AKIRIN1: variants seen among roughly 807,000 people sequenced by gnomAD.
The protein encoded by AKIRIN1 is akirin-1.
AKIRIN1 carries 4 observed loss-of-function variants against 25.9 expected under a neutral mutation model. The ratio of observed to expected loss-of-function variants is 0.15; its 90% CI spans 0.08 to 0.35. The LOEUF (loss-of-function observed/expected upper bound fraction) is 0.35. AKIRIN1 is among the 10% of genes least tolerant of loss of function. The probability of loss-of-function intolerance (pLI) is 1.00; values close to 1 mark genes in which losing one functional copy is unlikely to be tolerated. For missense variants in AKIRIN1, 243 were observed against 266.1 expected (o/e 0.91, Z 0.61); for synonymous variants, 125 against 105.1 (o/e 1.19, Z -1.16).
rs1336148414 is a variant in AKIRIN1 at position 38,991,337 on chromosome 1, C to T, written c.-44C>T. ...CCCGGCTGAGGAGCCTCTTGGGCCG[C>T]ACTTACCGCCGCGTCCGCTCCCGGT... On this transcript the variant is annotated 5_prime_UTR_variant, in exon 1 of 5. Coordinates refer to ENST00000432648, the MANE Select transcript of AKIRIN1 (RefSeq NM_024595.3). The T allele has an allele frequency of 6.0e-6, 8 of 1,327,992 alleles. No individual in the cohort carries two copies. The highest frequency in any genetic ancestry group is 1.9e-5 in the South Asian group (1 of 53,018). The allele number at this position is 1,327,992 out of a possible 1,614,324, so 82.3% of individuals were successfully genotyped here.
rs904284150 is a variant in AKIRIN1, at chr1:39,005,678, A to G, written c.*1623A>G. ...CTGAGTTTAATTCAAATGTATGCCA[A>G]TACCTTCCAAAGTAAGGTAATATTC... On this transcript the variant is annotated 3_prime_UTR_variant, in exon 5 of 5. Transcript: ENST00000432648. The G allele has an allele frequency of 2.0e-5, 3 of 152,212 alleles. No homozygotes were observed. Among genetic ancestry groups the G allele is most frequent in the Admixed American group, 6.5e-5 (1 of 15,278 alleles). The allele number at this position is 152,212 out of a possible 1,614,324, so 9.4% of individuals were successfully genotyped here. A position where few individuals can be genotyped will look rare whatever the true frequency, so the allele number is the denominator to read the frequency against.
intron 1 of AKIRIN1, among the ~76,000 whole-genome samples, chr1:38,995,144 G>A (rs1178757832): frequency 6.6e-6 from 1 of 152,150 alleles, no homozygotes; most frequent in Non-Finnish European, 1.5e-5. Flanking sequence ...TCTTGATCAA[G>A]TTTGAGCAAT....
rs1239651735 is a variant in AKIRIN1, at chr1:39,004,184, G to A, written c.*129G>A. 9.7e-7 allele frequency: 1 copy of A among 1,034,672 alleles called. No homozygotes were observed. Among genetic ancestry groups the A allele is most frequent in the Admixed American group, 1.8e-5 (1 of 57,056 alleles). The allele number at this position is 1,034,672 out of a possible 1,614,324, so 64.1% of individuals were successfully genotyped here. A position where few individuals can be genotyped will look rare whatever the true frequency, so the allele number is the denominator to read the frequency against. On this transcript the variant is annotated 3_prime_UTR_variant, in exon 5 of 5. Transcript: ENST00000432648. ...TGAGAACACTTAAACGTTTCTGCAG[G>A]TCCATTTTATACAACTTGAAAGACC...
rs773887938 is a variant in AKIRIN1, at chr1:38,991,350, G to C, written c.-31G>C. ...CCTCTTGGGCCGCACTTACCGCCGC[G>C]TCCGCTCCCGGTCCCTGGCCCCTCA... On this transcript the variant is annotated 5_prime_UTR_variant, in exon 1 of 5. Transcript: ENST00000432648. 7 of 1,335,450 alleles carry C rather than the reference G, an allele frequency of 5.2e-6. No individual in the cohort carries two copies. The Admixed American group carries it at 2.7e-4, about 52-fold the overall frequency. The allele number at this position is 1,335,450 out of a possible 1,614,324, so 82.7% of individuals were successfully genotyped here. A position where few individuals can be genotyped will look rare whatever the true frequency, so the allele number is the denominator to read the frequency against.
rs1643902694 is a variant in AKIRIN1, at chr1:38,991,316, G to A, written c.-65G>A. Reference sequence around the variant, plus strand: ...GGAGCCGGCTTGGCTGGCGAGCCCGGCTGAGGAGCCTCTTGGGCCGCACTT... The same window carrying A: ...GGAGCCGGCTTGGCTGGCGAGCCCGACTGAGGAGCCTCTTGGGCCGCACTT... On this transcript the variant is annotated 5_prime_UTR_variant, in exon 1 of 5. Transcript: ENST00000432648. The A allele has an allele frequency of 2.3e-6, 3 of 1,284,160 alleles. No individual in the cohort carries two copies. The highest frequency in any genetic ancestry group is 2.0e-6 in the Non-Finnish European group (2 of 1,009,062). The allele number at this position is 1,284,160 out of a possible 1,614,324, so 79.5% of individuals were successfully genotyped here.
intron 1 of AKIRIN1, among the ~76,000 whole-genome samples, chr1:38,996,903 G>A (rs1643952313): frequency 6.6e-6 from 1 of 152,200 alleles, no homozygotes; most frequent in Non-Finnish European, 1.5e-5. Context: ...TTGACTATGT[G>A]TGGAACCACT....
chr1:38,991,305 T>A lies in AKIRIN1; in HGVS notation c.-76T>A, dbSNP rs1373588569. 1 of 1,254,364 alleles carries A rather than the reference T, an allele frequency of 8.0e-7. No individual in the cohort carries two copies. Among genetic ancestry groups the A allele is most frequent in the East Asian group, 3.2e-5 (1 of 31,294 alleles). The allele number at this position is 1,254,364 out of a possible 1,614,324, so 77.7% of individuals were successfully genotyped here. A position where few individuals can be genotyped will look rare whatever the true frequency, so the allele number is the denominator to read the frequency against. On this transcript the variant is annotated 5_prime_UTR_variant, in exon 1 of 5. Coordinates refer to ENST00000432648, the MANE Select transcript of AKIRIN1 (RefSeq NM_024595.3). ...GAGGCGCCATTGGAGCCGGCTTGGC[T>A]GGCGAGCCCGGCTGAGGAGCCTCTT...
chr1:39,000,935 C>T, intron 2 of AKIRIN1, 37 bp from the exon 3 acceptor site: 5 of 1,590,090 alleles, frequency 3.1e-6, no homozygotes, highest in Admixed American at 3.5e-5. Flanking sequence ...GTGTGAACCA[C>T]CGCACCTGGC....
intron 2 of AKIRIN1, among the ~76,000 whole-genome samples, chr1:39,000,060 T>G (rs751433674): frequency 2.0e-5 from 3 of 151,962 alleles, no homozygotes; most frequent in Admixed American, 6.6e-5. Flanking sequence ...TTTTTTGTAT[T>G]TTTAGTAGAG....
At chr1:38,997,339 C>T (rs983335913) in intron 1 of AKIRIN1, among the ~76,000 whole-genome samples, 4 of 152,146 alleles carry the variant, frequency 2.6e-5, no homozygotes, top group Non-Finnish European at 2.9e-5. Flanking sequence ...ATTACCTTGA[C>T]TTATAATCTC....
chr1:38,991,321 G>A lies in AKIRIN1; in HGVS notation c.-60G>A. ...CGGCTTGGCTGGCGAGCCCGGCTGAGGAGCCTCTTGGGCCGCACTTACCGC... is the reference window on the plus strand; with the variant it reads ...CGGCTTGGCTGGCGAGCCCGGCTGAAGAGCCTCTTGGGCCGCACTTACCGC... On this transcript the variant is annotated 5_prime_UTR_variant, in exon 1 of 5. Transcript: ENST00000432648. The A allele has an allele frequency of 7.8e-7, 1 of 1,289,664 alleles. No individual in the cohort carries two copies. The highest frequency in any genetic ancestry group is 9.9e-7 in the Non-Finnish European group (1 of 1,013,524). 79.9% of individuals were successfully genotyped at this position (1,289,664 alleles called of 1,614,324 possible). A position where few individuals can be genotyped will look rare whatever the true frequency, so the allele number is the denominator to read the frequency against.
Position 38,998,175 on chromosome 1 carries a change from A to C in AKIRIN1, c.225A>C (p.Gln75His), listed in dbSNP as rs764613354. The C allele has an allele frequency of 1.2e-6, 2 of 1,602,766 alleles. No individual in the cohort carries two copies. Among genetic ancestry groups the C allele is most frequent in the Non-Finnish European group, 1.7e-6 (2 of 1,176,052 alleles). Residue 75 changes from glutamine to histidine, a missense_variant, in exon 2 of 5, where the codon CAA (glutamine) becomes CAC (histidine). By Grantham distance (24) the Gln-to-His change is conservative. Transcript: ENST00000432648. ...GSERRLPTPE[Q>H]IFQNIKQEYS... ...AGTTTGTTTCTTTTTTATTAGAGCAAATTTTTCAGAACATAAAACAAGAAT... is the reference window on the plus strand; with the variant it reads ...AGTTTGTTTCTTTTTTATTAGAGCACATTTTTCAGAACATAAAACAAGAAT...
intron 2 of AKIRIN1, among the ~76,000 whole-genome samples, chr1:38,998,798 C>T (rs140456748): frequency 1.5e-4 from 22 of 151,342 alleles, no homozygotes; most frequent in African/African-American, 4.6e-4. Context: ...CCCAGCTACT[C>T]GGGAGGCTGA....
intron 1 of AKIRIN1, among the ~76,000 whole-genome samples, chr1:38,996,718 A>G (rs942870323): frequency 6.6e-6 from 1 of 151,644 alleles, no homozygotes; most frequent in Non-Finnish European, 1.5e-5. Context: ...TTTAGTAGAG[A>G]CGGTGTTTCA....
At chr1:38,996,590 C>A (rs1212563591) in intron 1 of AKIRIN1, among the ~76,000 whole-genome samples, 2 of 151,586 alleles carry the variant, frequency 1.3e-5, no homozygotes, top group Non-Finnish European at 2.9e-5. Flanking sequence ...AGTGCAGTGG[C>A]ACAATCTCGG....
At chr1:39,003,492 CA>C (rs1644010387) in intron 4 of AKIRIN1, 74 bp downstream of exon 4, 1 of 1,430,312 alleles carries the variant, frequency 7.0e-7, no homozygotes, top group Non-Finnish European at 9.7e-7. Context: ...CTTCTCTCCT[CA>C]GAGTAAAAAG....
At position 39,004,388 on chromosome 1, in the gene AKIRIN1, T is replaced by C; in HGVS notation, c.*333T>C. ...CAAGCACAGTTCTGTAAGAAGTGCG[T>C]GTGAGAGTGTGTGTATATGTGTGTA... On this transcript the variant is annotated 3_prime_UTR_variant, in exon 5 of 5. Coordinates refer to ENST00000432648, the MANE Select transcript of AKIRIN1 (RefSeq NM_024595.3). The C allele has an allele frequency of 2.1e-6, 1 of 482,230 alleles. No homozygotes were observed. Among genetic ancestry groups the C allele is most frequent in the Non-Finnish European group, 3.8e-6 (1 of 262,898 alleles). The allele number at this position is 482,230 out of a possible 1,614,324, so 29.9% of individuals were successfully genotyped here. A position where few individuals can be genotyped will look rare whatever the true frequency, so the allele number is the denominator to read the frequency against.
At chr1:39,003,580 T>A (rs2148070576) in intron 4 of AKIRIN1, among the ~76,000 whole-genome samples, 162 bp downstream of exon 4, 1 of 152,332 alleles carries the variant, frequency 6.6e-6, no homozygotes, top group East Asian at 1.9e-4. Flanking sequence ...AGCCTCACAG[T>A]GACCCTATGA....
chr1:38,995,300 G>A (rs1643939384), intron 1 of AKIRIN1, among the ~76,000 whole-genome samples: 2 of 152,208 alleles, frequency 1.3e-5, no homozygotes, highest in Admixed American at 1.3e-4. Context: ...GGAAAGTATT[G>A]ACTGCCATGT....
Sources: gnomAD v4.1 joint callset for allele counts (sites outside exome capture counted in the v4.1 genomes callset) on GRCh38, gnomAD v4.1.1 for gene constraint, MANE v1.5 for transcripts, NCBI Gene and HGNC (gene_info 2026-07-23, HGNC 2026-07-21) for gene names.